Variants in MTCL2 observed in about 807,000 individuals in gnomAD.
The protein encoded by MTCL2 is microtubule crosslinking factor 2.
At chr20:36,861,656 G>A in the MTCL2 span, among the ~76,000 whole-genome samples, 1 of 152,170 alleles carries the variant, frequency 6.6e-6, no homozygotes. Flanking sequence ...GACAAGAGTC[G>A]GCAACATTTC....
chr20:36,798,601 AAGAC>A, the MTCL2 span, among the ~76,000 whole-genome samples: 2 of 152,216 alleles, frequency 1.3e-5, no homozygotes, highest in Non-Finnish European at 2.9e-5. Flanking sequence ...ATGACAGACA[AAGAC>A]AGGGGTCCAA....
chr20:36,807,865 CTTTTTTTT>C, the MTCL2 span, among the ~76,000 whole-genome samples: 5 of 53,510 alleles, frequency 9.3e-5, no homozygotes, highest in African/African-American at 2.1e-4. Flanking sequence ...GAAACCCTGT[CTTTTTTTT>C]TTTTTTTTTT....
the MTCL2 span, among the ~76,000 whole-genome samples, chr20:36,813,221 G>A: frequency 1.4e-5 from 2 of 141,756 alleles, no homozygotes; most frequent in African/African-American, 2.6e-5. Context: ...ACAGTGGCAT[G>A]TGCCTGTAAT....
At chr20:36,803,910 T>C in the MTCL2 span, among the ~76,000 whole-genome samples, 3 of 138,714 alleles carry the variant, frequency 2.2e-5, no homozygotes, top group Non-Finnish European at 3.0e-5. Context: ...TGATCCAAGA[T>C]TGCACCACTG....
At chr20:36,863,377 C>T in the MTCL2 span, 50 of 1,156,264 alleles carry the variant, frequency 4.3e-5, no homozygotes, top group Non-Finnish European at 5.2e-5. The surrounding 1 kb of genome is among the most constrained non-coding windows in gnomAD (Gnocchi z 6.2). Flanking sequence ...GAGCTGCGCG[C>T]ATGGCCCAGG....
the MTCL2 span, chr20:36,815,899 G>A: frequency 6.2e-7 from 1 of 1,610,982 alleles, no homozygotes; most frequent in Non-Finnish European, 8.5e-7. This position sits in a 1 kb window ranked among gnomAD's most constrained non-coding sequence, Gnocchi z 5.3. Flanking sequence ...AACTGCAGGT[G>A]TCGCCGCAGC....
At chr20:36,798,944 G>A in the MTCL2 span, among the ~76,000 whole-genome samples, 405 of 152,266 alleles carry the variant, frequency 2.7e-3, 1 homozygote, top group African/African-American at 9.3e-3. Flanking sequence ...TCCCAGGAAC[G>A]CGCTCAGTCC....
the MTCL2 span, chr20:36,783,655 A>G: frequency 1.9e-6 from 1 of 527,472 alleles, no homozygotes; most frequent in Non-Finnish European, 2.4e-6. Flanking sequence ...CGAGAAGGGC[A>G]GCATTCCTTC....
At chr20:36,854,429 C>T in the MTCL2 span, among the ~76,000 whole-genome samples, 1 of 152,160 alleles carries the variant, frequency 6.6e-6, no homozygotes, top group Non-Finnish European at 1.5e-5. Context: ...GCTGCTGGGG[C>T]TGAGCGCTCA....
At chr20:36,808,034 C>A in the MTCL2 span, among the ~76,000 whole-genome samples, 2 of 150,898 alleles carry the variant, frequency 1.3e-5, no homozygotes, top group Non-Finnish European at 3.0e-5. Context: ...CGCCACCACA[C>A]CTGGCTAATT....
chr20:36,834,551 C>A, the MTCL2 span, among the ~76,000 whole-genome samples: 40 of 152,072 alleles, frequency 2.6e-4, no homozygotes, highest in Admixed American at 2.5e-3. Flanking sequence ...TTTTTATCCA[C>A]CCTGGGAGGC....
the MTCL2 span, chr20:36,859,976 C>A: frequency 2.6e-6 from 3 of 1,164,288 alleles, no homozygotes; most frequent in Non-Finnish European, 3.2e-6. Context: ...AACAACACAA[C>A]ACCTCCAGTA....
At chr20:36,828,245 C>A in the MTCL2 span, among the ~76,000 whole-genome samples, 2 of 152,170 alleles carry the variant, frequency 1.3e-5, no homozygotes, top group Admixed American at 1.3e-4. Context: ...GGGATTCCAG[C>A]CTTTAAGGGA....
the MTCL2 span, among the ~76,000 whole-genome samples, chr20:36,824,034 G>A: frequency 6.6e-6 from 1 of 152,148 alleles, no homozygotes; most frequent in Non-Finnish European, 1.5e-5. Context: ...GGTTTCTGAA[G>A]ACACAACAGG....
At chr20:36,833,103 A>G in the MTCL2 span, among the ~76,000 whole-genome samples, 1 of 152,244 alleles carries the variant, frequency 6.6e-6, no homozygotes, top group African/African-American at 2.4e-5. Context: ...CACAGCTAGG[A>G]AGGCTATAGA....
chr20:36,802,787 T>C, the MTCL2 span: 13 of 1,510,540 alleles, frequency 8.6e-6, no homozygotes, highest in South Asian at 1.5e-4. Flanking sequence ...AAGGAGTTCC[T>C]GCTTCTGAAT....
chr20:36,798,224 C>T, the MTCL2 span, among the ~76,000 whole-genome samples: 1 of 152,194 alleles, frequency 6.6e-6, no homozygotes, highest in South Asian at 2.1e-4. Flanking sequence ...GGATGAGCCA[C>T]CTCGCCTGGC....
chr20:36,845,653 C>T, the MTCL2 span, among the ~76,000 whole-genome samples: 3 of 152,148 alleles, frequency 2.0e-5, no homozygotes, highest in Non-Finnish European at 4.4e-5. Context: ...TTTCCGGGCC[C>T]GAGGTGGGGC....
At chr20:36,793,597 G>A in the MTCL2 span, 1 of 1,551,636 alleles carries the variant, frequency 6.4e-7, no homozygotes, top group East Asian at 2.4e-5. This position sits in a 1 kb window ranked among gnomAD's most constrained non-coding sequence, Gnocchi z 6.8. Flanking sequence ...CCACACTGAA[G>A]AGGCTGGAGA....
Sources: gnomAD v4.1 joint callset for allele counts (sites outside exome capture counted in the v4.1 genomes callset) on GRCh38, gnomAD v4.1.1 for gene constraint, Gnocchi (gnomAD v3.1) non-coding constraint, MANE v1.5 for transcripts, NCBI Gene and HGNC (gene_info 2026-07-23, HGNC 2026-07-21) for gene names.